Variants in CLGN observed in about 807,000 individuals in gnomAD.
The protein encoded by CLGN is testis tissue sperm-binding protein Li 79P.
A neutral mutation model predicts 79.1 loss-of-function variants in CLGN; 62 were observed. The ratio of observed to expected loss-of-function variants is 0.78; its 90% CI spans 0.64 to 0.97. CLGN has a LOEUF of 0.97. Ranked by LOEUF, CLGN falls within the 50% of genes least tolerant of loss-of-function variation. The pLI is 0.00. For missense variants in CLGN, 647 were observed against 715.5 expected (o/e 0.90, Z 1.09); for synonymous variants, 225 against 224.7 (o/e 1.00, Z -0.01).
intron 4 of CLGN, among the ~76,000 whole-genome samples, chr4:140,408,860 C>CATAT (rs112593782): frequency 0.1 from 14,361 of 137,900 alleles, 815 homozygotes; most frequent in East Asian, 0.15. Context: ...AGTTGATAAG[C>CATAT]ATATATATAT....
chr4:140,409,557 G>A (rs73858304), intron 4 of CLGN, among the ~76,000 whole-genome samples: 2,752 of 145,818 alleles, frequency 0.019, 90 homozygotes, highest in African/African-American at 0.063. Flanking sequence ...GCAGTAGCCT[G>A]GGAAATACTG....
At chr4:140,404,022 C>A (rs1371497034) in intron 5 of CLGN, among the ~76,000 whole-genome samples, 1 of 152,164 alleles carries the variant, frequency 6.6e-6, no homozygotes, top group Non-Finnish European at 1.5e-5. Flanking sequence ...AACAGGTTTT[C>A]ATATGTAGAA....
chr4:140,406,799 C>A (rs1158286213), intron 4 of CLGN, among the ~76,000 whole-genome samples: 1 of 152,022 alleles, frequency 6.6e-6, no homozygotes, highest in East Asian at 1.9e-4. Context: ...TACCTATAGC[C>A]CAAAAGTTAT....
intron 1 of CLGN, among the ~76,000 whole-genome samples, chr4:140,422,553 GTT>G (rs1729490857): frequency 6.6e-6 from 1 of 151,988 alleles, no homozygotes; most frequent in Non-Finnish European, 1.5e-5. Flanking sequence ...CCTGTTCATT[GTT>G]AGTATACAGA....
intron 13 of CLGN, among the ~76,000 whole-genome samples, chr4:140,391,115 G>C (rs1239231984): frequency 6.6e-6 from 1 of 151,110 alleles, no homozygotes; most frequent in South Asian, 2.1e-4. Context: ...TTCAGTTATT[G>C]ACCCTCCTTA....
rs1413702945 is a variant in CLGN, at chr4:140,393,833, G to A, written c.1358C>T (p.Ala453Val). 13 of 1,613,122 alleles carry A rather than the reference G, an allele frequency of 8.1e-6. No individual in the cohort carries two copies. The highest frequency in any genetic ancestry group is 1.1e-5 in the Non-Finnish European group (13 of 1,179,458). ...TATTGGTCAACACCATACCTTATTA[G>A]CATTTGCTATCATTATTTTCCATCT... ...GWRWKIMIAN[A>V]NKPGVLKQLM... is the part of the protein sequence containing the mutation. Residue 453 changes from alanine to valine, a missense_variant, in exon 11 of 15, where the codon GCT becomes GTT. Physicochemically the swap from Ala to Val is moderately conservative, Grantham distance 64. Coordinates refer to ENST00000325617, the MANE Select transcript of CLGN (RefSeq NM_004362.3).
At chr4:140,422,801 A>G (rs1421465055) in intron 1 of CLGN, among the ~76,000 whole-genome samples, 1 of 151,934 alleles carries the variant, frequency 6.6e-6, no homozygotes, top group Admixed American at 6.6e-5. Context: ...ATTTTTCTGT[A>G]GAGATGGTTT....
Position 140,412,929 on chromosome 4 carries a change from C to T in CLGN, c.144+6G>A, listed in dbSNP as rs1273950969. Reference sequence around the variant, plus strand: ...TAATTTATAACCCATTTCTCAATAACCATACCTCTGAGGAAAGTTCACTTT... The same window carrying T: ...TAATTTATAACCCATTTCTCAATAATCATACCTCTGAGGAAAGTTCACTTT... On this transcript the variant is annotated splice_donor_region_variant and intron_variant, in intron 2 of 14. Transcript: ENST00000325617. The T allele has an allele frequency of 1.9e-6, 3 of 1,612,220 alleles. No homozygotes were observed. The highest frequency in any genetic ancestry group is 1.3e-5 in the African/African-American group (1 of 74,958).
At chr4:140,405,413 T>C (rs1213722760) in intron 5 of CLGN, among the ~76,000 whole-genome samples, 2 of 150,680 alleles carry the variant, frequency 1.3e-5, no homozygotes, top group Non-Finnish European at 3.0e-5. Context: ...CTCGATCTCC[T>C]GACCTCGTGA....
chr4:140,413,542 G>A (rs531501215), intron 1 of CLGN, among the ~76,000 whole-genome samples: 7 of 152,352 alleles, frequency 4.6e-5, no homozygotes, highest in East Asian at 3.9e-4. Context: ...TGCCTCACTC[G>A]GGAAGCACAA....
At chr4:140,404,508 C>A (rs1729061669) in intron 5 of CLGN, among the ~76,000 whole-genome samples, 1 of 152,230 alleles carries the variant, frequency 6.6e-6, no homozygotes, top group Non-Finnish European at 1.5e-5. Context: ...TGTAAATCAG[C>A]ATTTATAGCA....
At chr4:140,393,802 T>C (rs746368987) in intron 11 of CLGN, 24 bp downstream of exon 11, 2 of 1,594,938 alleles carry the variant, frequency 1.3e-6, no homozygotes, top group South Asian at 1.1e-5. Context: ...GTTATATCAC[T>C]ACTGCTATTG....
At chr4:140,413,588 G>T (rs565339689) in intron 1 of CLGN, among the ~76,000 whole-genome samples, 118 of 152,324 alleles carry the variant, frequency 7.7e-4, no homozygotes, top group Admixed American at 3.9e-3. Flanking sequence ...TCAAAGAAAG[G>T]GGTGACGGAC....
intron 14 of CLGN, among the ~76,000 whole-genome samples, chr4:140,390,144 A>AG (rs1436023476): frequency 1.3e-5 from 2 of 151,796 alleles, no homozygotes; most frequent in Non-Finnish European, 3.0e-5. Context: ...TAGACTAATA[A>AG]GGGGGGAGAA....
rs1312086242 is a variant in CLGN, at chr4:140,398,919, A to G, written c.816T>C (p.Asp272=). The G allele has an allele frequency of 1.2e-6, 2 of 1,613,820 alleles. No homozygotes were observed. The highest frequency in any genetic ancestry group is 1.7e-6 in the Non-Finnish European group (2 of 1,179,946). ...TTTCATCCCATTCCTCAGGTTTTTT[A>G]TCATTGGGATCTTCAATTTCTTTGG... ...KPPKEIEDPN[D]KKPEEWDERA... Residue 272 remains aspartate (D), a synonymous_variant, in exon 8 of 15, where the codon GAT becomes GAC. Coordinates refer to ENST00000325617, the MANE Select transcript of CLGN (RefSeq NM_004362.3).
In CLGN at chr4:140,400,521, A is replaced by G. The variant is rs1728980180; in HGVS notation, c.530T>C (p.Ile177Thr). 6.3e-7 allele frequency: 1 copy of G among 1,595,544 alleles called. No individual in the cohort carries two copies. Among genetic ancestry groups the G allele is most frequent in the Admixed American group, 1.7e-5 (1 of 57,710 alleles). The change falls in exon 7 of 15, where the codon ATC (isoleucine) becomes ACC (threonine). Residue 177 changes from isoleucine (I) to threonine (T), a missense_variant. By Grantham distance (89) the Ile-to-Thr change is moderately conservative. Transcript: ENST00000325617. ...LENFYDKTSY[I>T]IMFGPDKCGE... is the part of the protein sequence containing the mutation. ...ACATTTATCTGGTCCAAACATAATGATATAGGATGTTTTATCATAAAAGTT... is the reference window on the plus strand; with the variant it reads ...ACATTTATCTGGTCCAAACATAATGGTATAGGATGTTTTATCATAAAAGTT...
intron 2 of CLGN, 85 bp from the exon 3 acceptor site, chr4:140,410,711 T>C (rs1729194512): frequency 3.6e-6 from 3 of 826,858 alleles, no homozygotes; most frequent in Non-Finnish European, 4.0e-6. Flanking sequence ...GAACATAGTA[T>C]GTAATGCACA....
Position 140,401,984 on chromosome 4 carries a change from C to A in CLGN, c.501+1G>T. 1.3e-6 allele frequency: 2 copies of A among 1,492,224 alleles called. No homozygotes were observed. The highest frequency in any genetic ancestry group is 1.4e-5 in the African/African-American group (1 of 70,528). The allele number at this position is 1,492,224 out of a possible 1,614,324, so 92.4% of individuals were successfully genotyped here. A position where few individuals can be genotyped will look rare whatever the true frequency, so the allele number is the denominator to read the frequency against. Reference sequence around the variant, plus strand: ...TTTTCTTAAATATTAAAATATCATACCAGAATCAAATCATCAGTGTCTGCT... The same window carrying A: ...TTTTCTTAAATATTAAAATATCATAACAGAATCAAATCATCAGTGTCTGCT... On this transcript the variant is annotated splice_donor_variant, in intron 6 of 14. Transcript: ENST00000325617. LOFTEE classifies it high-confidence loss of function.
intron 1 of CLGN, among the ~76,000 whole-genome samples, chr4:140,425,429 G>GGTGTGTGTGTGT (rs754897067): frequency 4.4e-4 from 51 of 116,946 alleles, no homozygotes; most frequent in African/African-American, 1.2e-3. Context: ...GAATCAATAG[G>GGTGTGTGTGTGT]GTGTGTGTGT....
Sources: allele counts gnomAD v4.1 joint callset (sites outside exome capture counted in the v4.1 genomes callset), GRCh38; gene constraint gnomAD v4.1.1; transcripts MANE v1.5; gene names NCBI Gene and HGNC (gene_info 2026-07-23, HGNC 2026-07-21).